Variants in RIDA observed in about 807,000 individuals in gnomAD.
The protein encoded by RIDA is 2-iminobutanoate/2-iminopropanoate deaminase.
RIDA carries 17 observed loss-of-function variants against 17.8 expected under a neutral mutation model. The ratio of observed to expected loss-of-function variants is 0.96; its 90% CI spans 0.65 to 1.43. RIDA has a LOEUF of 1.43. Among genes scored for constraint, RIDA ranks in the 40% most tolerant of loss-of-function variants. The probability of loss-of-function intolerance (pLI) is 0.00; values close to 1 mark genes in which losing one functional copy is unlikely to be tolerated. For missense variants in RIDA, 158 were observed against 161.7 expected, an observed-to-expected ratio of 0.98 and a Z score of 0.12; for synonymous variants, 48 against 55.7, an observed-to-expected ratio of 0.86 and a Z score of 0.62.
intron 1 of RIDA, among the ~76,000 whole-genome samples, chr8:98,114,036 A>G (rs2130557097): frequency 6.6e-6 from 1 of 152,342 alleles, no homozygotes; most frequent in South Asian, 2.1e-4. Context: ...TCTATAAAAA[A>G]TACAAAAATT....
intron 1 of RIDA, 102 bp downstream of exon 1, chr8:98,116,930 T>C (rs1586219884): frequency 1.1e-6 from 1 of 946,270 alleles, no homozygotes; most frequent in Non-Finnish European, 1.6e-6. Flanking sequence ...CAGGCTCAAT[T>C]TCCTTGCGTG....
intron 2 of RIDA, among the ~76,000 whole-genome samples, chr8:98,107,246 CG>C (rs1209344147): frequency 6.6e-6 from 1 of 152,098 alleles, no homozygotes; most frequent in Non-Finnish European, 1.5e-5. Context: ...TCAGCTAGGC[CG>C]GGTGTGGAGG....
chr8:98,105,324 C>T (rs956726547), intron 4 of RIDA, among the ~76,000 whole-genome samples: 19 of 152,064 alleles, frequency 1.2e-4, no homozygotes, highest in African/African-American at 3.4e-4. Flanking sequence ...GAATAAGTAA[C>T]GATGCTTTTT....
At chr8:98,114,127 G>A (rs577897356) in intron 1 of RIDA, among the ~76,000 whole-genome samples, 9 of 152,030 alleles carry the variant, frequency 5.9e-5, no homozygotes, top group Non-Finnish European at 8.8e-5. Context: ...CCGGGAGGTT[G>A]AGGCGACAAT....
At chr8:98,116,320 A>G (rs148967773) in intron 1 of RIDA, among the ~76,000 whole-genome samples, 1 of 152,280 alleles carries the variant, frequency 6.6e-6, no homozygotes, top group Non-Finnish European at 1.5e-5. Context: ...AGTTTTCTAT[A>G]ATAATTCCTG....
chr8:98,106,572 A>G, intron 2 of RIDA: 2 of 436,142 alleles, frequency 4.6e-6, no homozygotes, highest in Non-Finnish European at 8.2e-6. Context: ...TTCAGTGCTA[A>G]AATGTGTTAA....
At chr8:98,105,397 A>T (rs1815620035) in intron 4 of RIDA, among the ~76,000 whole-genome samples, 1 of 152,194 alleles carries the variant, frequency 6.6e-6, no homozygotes, top group Non-Finnish European at 1.5e-5. Context: ...CTACTATAAC[A>T]TCAATGTTAA....
At chr8:98,108,871 G>A in intron 1 of RIDA, 120 bp from the exon 2 acceptor site, 1 of 607,718 alleles carries the variant, frequency 1.6e-6, no homozygotes, top group Non-Finnish European at 2.9e-6. Context: ...CAGATACATT[G>A]GACTTCATGA....
intron 5 of RIDA, 23 bp downstream of exon 5, chr8:98,104,465 AT>A: frequency 7.1e-7 from 1 of 1,400,296 alleles, no homozygotes; most frequent in Non-Finnish European, 1.0e-6. Flanking sequence ...AACTGTGTAC[AT>A]TAGTCATTTA....
chr8:98,106,326 C>A lies in RIDA; in HGVS notation c.172G>T (p.Ala58Ser). ...AGAATTTCACCCATGTTTTTAAGAG[C>A]CTGTGAACCAAGCCAAGAAAGGCCT... ...SGGVAEEAKQ[A>S]LKNMGEILKA... is the part of the protein sequence containing the mutation. The change falls in exon 3 of 6, where the codon GCT becomes TCT. Residue 58 changes from alanine to serine, a missense_variant and splice_region_variant. Ala to Ser is a moderately conservative substitution (Grantham distance 99). Coordinates refer to ENST00000254878, the MANE Select transcript of RIDA (RefSeq NM_005836.3). 2 of 1,613,500 alleles carry A rather than the reference C, an allele frequency of 1.2e-6. No individual in the cohort carries two copies. Among genetic ancestry groups the A allele is most frequent in the Non-Finnish European group, 1.7e-6 (2 of 1,179,606 alleles).
At chr8:98,112,262 C>T (rs988706973) in intron 1 of RIDA, among the ~76,000 whole-genome samples, 12 of 151,194 alleles carry the variant, frequency 7.9e-5, no homozygotes, top group Non-Finnish European at 1.8e-4. Flanking sequence ...CCCTGGATCC[C>T]AGGAGTGCTT....
At position 98,108,743 on chromosome 8, in the gene RIDA, A is replaced by G; in HGVS notation, c.74T>C (p.Val25Ala). ...PGAIGPYSQA[V>A]LVDRTIYISG... Reference sequence around the variant, plus strand: ...AATGTAAATGGTCCTGTCGACTAATACAGCTTGACTGCAATAAACAGAAAG... The same window carrying G: ...AATGTAAATGGTCCTGTCGACTAATGCAGCTTGACTGCAATAAACAGAAAG... Residue 25 changes from valine to alanine, a missense_variant, in exon 2 of 6, where the codon GTA (valine) becomes GCA (alanine). Transcript: ENST00000254878. The G allele has an allele frequency of 1.2e-6, 2 of 1,603,744 alleles. No homozygotes were observed. The highest frequency in any genetic ancestry group is 1.7e-6 in the Non-Finnish European group (2 of 1,170,636).
chr8:98,104,753 A>G (rs1369260462), intron 4 of RIDA, among the ~76,000 whole-genome samples: 1 of 152,096 alleles, frequency 6.6e-6, no homozygotes, highest in Non-Finnish European at 1.5e-5. Flanking sequence ...TCTATCGCCC[A>G]AGGCTGGAGT....
chr8:98,104,464 C>T (rs759082130), intron 5 of RIDA, 25 bp downstream of exon 5: 6 of 1,391,500 alleles, frequency 4.3e-6, no homozygotes, highest in Admixed American at 3.4e-5. Context: ...AAACTGTGTA[C>T]ATTAGTCATT....
Position 98,102,470 on chromosome 8 carries a change from G to A in RIDA, c.*372C>T, listed in dbSNP as rs1466901005. The A allele has an allele frequency of 3.2e-5, 5 of 157,312 alleles. No homozygotes were observed. Among genetic ancestry groups the A allele is most frequent in the East Asian group, 3.6e-4 (2 of 5,520 alleles). The allele number at this position is 157,312 out of a possible 1,614,324, so 9.7% of individuals were successfully genotyped here. A position where few individuals can be genotyped will look rare whatever the true frequency, so the allele number is the denominator to read the frequency against. Reference sequence around the variant, plus strand: ...TCAAGTAAAAGCAGAATCACATAACGGACATCAAAACTAAATAGTTCACAT... The same window carrying A: ...TCAAGTAAAAGCAGAATCACATAACAGACATCAAAACTAAATAGTTCACAT... On this transcript the variant is annotated 3_prime_UTR_variant, in exon 6 of 6. Transcript: ENST00000254878.
At chr8:98,111,977 T>G (rs1180143715) in intron 1 of RIDA, among the ~76,000 whole-genome samples, 2 of 152,140 alleles carry the variant, frequency 1.3e-5, no homozygotes. Context: ...CAAATATATA[T>G]TTTCTCTCTT....
chr8:98,108,063 C>A (rs1815658752), intron 2 of RIDA, among the ~76,000 whole-genome samples: 1 of 148,406 alleles, frequency 6.7e-6, no homozygotes, highest in Middle Eastern at 3.2e-3. Flanking sequence ...AGCCATTGTG[C>A]CTGGCCTCCC....
chr8:98,102,923 A>C lies in RIDA; in HGVS notation c.352-19T>G. ...GGCTGCCCTGTGAGGAAAATGAAAG[A>C]ATTTGTTGTAATCATTTTGTACAAA... On this transcript the variant is annotated intron_variant, in intron 5 of 5. Coordinates refer to ENST00000254878, the MANE Select transcript of RIDA (RefSeq NM_005836.3). The C allele has an allele frequency of 6.3e-7, 1 of 1,593,482 alleles. No individual in the cohort carries two copies. The highest frequency in any genetic ancestry group is 8.6e-7 in the Non-Finnish European group (1 of 1,163,148).
intron 1 of RIDA, among the ~76,000 whole-genome samples, chr8:98,110,540 G>A (rs548428804): frequency 4.6e-5 from 7 of 152,248 alleles, no homozygotes; most frequent in Non-Finnish European, 7.4e-5. Flanking sequence ...GATTACAGTC[G>A]TGGGCCACCA....
Sources: gnomAD v4.1 joint callset for allele counts (sites outside exome capture counted in the v4.1 genomes callset) on GRCh38, gnomAD v4.1.1 for gene constraint, MANE v1.5 for transcripts, NCBI Gene and HGNC (gene_info 2026-07-23, HGNC 2026-07-21) for gene names.